The following NRG1 variants were observed in gnomAD, a reference collection of about 807,000 sequenced individuals.
NRG1 encodes pro-neuregulin-1, membrane-bound isoform.
A neutral mutation model predicts 63.8 loss-of-function variants in NRG1; 18 were observed. The observed-to-expected ratio is 0.28, with a 90% CI of 0.19 to 0.42. NRG1 has a LOEUF of 0.42. Ranked by LOEUF, NRG1 falls within the 10% of genes least tolerant of loss-of-function variation. The pLI is 1.00. For missense variants in NRG1, 762 were observed against 814.7 expected, an observed-to-expected ratio of 0.94 and a Z score of 0.79; for synonymous variants, 302 against 301.3, an observed-to-expected ratio of 1.00 and a Z score of -0.02.
At chr8:31,675,652 A>G (rs1807616124) in intron 1 of NRG1, among the ~76,000 whole-genome samples, 1 of 152,210 alleles carries the variant, frequency 6.6e-6, no homozygotes, top group Non-Finnish European at 1.5e-5. Flanking sequence ...ATCATTGTAC[A>G]TGAGAAACTT....
intron 1 of NRG1, among the ~76,000 whole-genome samples, chr8:32,484,229 A>G (rs1211421226): frequency 6.6e-6 from 1 of 152,212 alleles, no homozygotes; most frequent in Non-Finnish European, 1.5e-5. Context: ...TAAGAGGGAA[A>G]GGAATGAAGA....
chr8:31,725,383 G>T (rs1389595425), intron 1 of NRG1, among the ~76,000 whole-genome samples: 1 of 152,166 alleles, frequency 6.6e-6, no homozygotes, highest in Non-Finnish European at 1.5e-5. Flanking sequence ...GTTGTTTGTT[G>T]CTGGGAGTTG....
At chr8:32,286,232 A>G (rs1427199648) in intron 1 of NRG1, among the ~76,000 whole-genome samples, 1 of 152,246 alleles carries the variant, frequency 6.6e-6, no homozygotes, top group African/African-American at 2.4e-5. Flanking sequence ...GTGGTTTGAA[A>G]TAATGAGTAT....
intron 1 of NRG1, among the ~76,000 whole-genome samples, chr8:32,370,114 T>C: frequency 6.6e-6 from 1 of 152,204 alleles, no homozygotes; most frequent in East Asian, 1.9e-4. Context: ...AAAAGCCAGC[T>C]TTCTCTGGGG....
At chr8:32,634,638 A>AT (rs1320225081) in intron 5 of NRG1, among the ~76,000 whole-genome samples, 5 of 152,194 alleles carry the variant, frequency 3.3e-5, no homozygotes, top group African/African-American at 1.2e-4. Context: ...GTGAACATGT[A>AT]TATTCTCATC....
intron 1 of NRG1, among the ~76,000 whole-genome samples, chr8:31,742,743 A>G (rs1444714009): frequency 1.3e-5 from 2 of 151,948 alleles, no homozygotes; most frequent in African/African-American, 2.4e-5. Flanking sequence ...GGTACCTTGT[A>G]TCTTTAAATC....
chr8:32,299,166 A>G (rs1272113121), intron 1 of NRG1, among the ~76,000 whole-genome samples: 1 of 152,150 alleles, frequency 6.6e-6, no homozygotes, highest in Non-Finnish European at 1.5e-5. Context: ...CTCTTCATAC[A>G]AACTAGTCTT....
intron 1 of NRG1, among the ~76,000 whole-genome samples, chr8:31,703,425 C>T (rs1410504427): frequency 6.6e-6 from 1 of 151,850 alleles, no homozygotes; most frequent in Non-Finnish European, 1.5e-5. Flanking sequence ...AATTAAAGCT[C>T]ACTTAAAACT....
intron 1 of NRG1, among the ~76,000 whole-genome samples, chr8:31,786,326 T>C (rs1192225311): frequency 6.6e-6 from 1 of 152,218 alleles, no homozygotes; most frequent in Non-Finnish European, 1.5e-5. Context: ...GTCTTTTCTA[T>C]TCTCTCATTT....
chr8:32,028,170 C>G (rs1817748945), intron 1 of NRG1, among the ~76,000 whole-genome samples: 1 of 152,080 alleles, frequency 6.6e-6, no homozygotes, highest in Non-Finnish European at 1.5e-5. Flanking sequence ...GAACATGGCT[C>G]TCATGGTTAG....
chr8:32,459,148 A>G (rs1235935459), intron 1 of NRG1, among the ~76,000 whole-genome samples: 1 of 152,210 alleles, frequency 6.6e-6, no homozygotes, highest in Non-Finnish European at 1.5e-5. Flanking sequence ...CATCGTCAGA[A>G]CAAAACTTCA....
chr8:31,809,971 T>C (rs1822724942), intron 1 of NRG1, among the ~76,000 whole-genome samples: 1 of 151,950 alleles, frequency 6.6e-6, no homozygotes. Flanking sequence ...GGGAGACCCC[T>C]AGCTGAACTT....
intron 1 of NRG1, among the ~76,000 whole-genome samples, chr8:32,394,310 C>A (rs1812162620): frequency 6.6e-6 from 1 of 152,160 alleles, no homozygotes; most frequent in Non-Finnish European, 1.5e-5. Flanking sequence ...TTTAGATATT[C>A]TTAAATTTGT....
intron 1 of NRG1, among the ~76,000 whole-genome samples, chr8:31,897,070 G>A (rs985842911): frequency 5.9e-5 from 9 of 152,096 alleles, no homozygotes; most frequent in African/African-American, 1.2e-4. Context: ...TATTGTCTTC[G>A]TTCCCATTCA....
At chr8:32,462,326 A>G (rs10954845) in intron 1 of NRG1, among the ~76,000 whole-genome samples, 33,185 of 152,090 alleles carry the variant, frequency 0.22, 4,738 homozygotes, top group East Asian at 0.72. Context: ...CTTAGCTGCT[A>G]TTAGATAAAA....
At chr8:31,965,961 C>T (rs957441535) in intron 1 of NRG1, among the ~76,000 whole-genome samples, 1 of 151,958 alleles carries the variant, frequency 6.6e-6, no homozygotes, top group East Asian at 1.9e-4. Context: ...CTGGAGACAA[C>T]AAAAATGGGG....
At chr8:31,733,822 A>C (rs1039747568) in intron 1 of NRG1, among the ~76,000 whole-genome samples, 9 of 152,162 alleles carry the variant, frequency 5.9e-5, no homozygotes, top group African/African-American at 2.2e-4. Flanking sequence ...CTCTGCTGTC[A>C]GCTTTCCAAA....
chr8:32,452,808 A>G (rs924838454), intron 1 of NRG1, among the ~76,000 whole-genome samples: 2 of 152,218 alleles, frequency 1.3e-5, no homozygotes, highest in South Asian at 2.1e-4. Flanking sequence ...AATAAGAAAT[A>G]CTAAAGTGTT....
chr8:32,716,802 A>ATGTG (rs934111765), intron 5 of NRG1, among the ~76,000 whole-genome samples: 1 of 124,534 alleles, frequency 8.0e-6, no homozygotes, highest in Non-Finnish European at 1.7e-5. Context: ...GCGTGTGTGC[A>ATGTG]TGTGTGTGTG....
Sources: allele counts gnomAD v4.1 joint callset (sites outside exome capture counted in the v4.1 genomes callset), GRCh38; gene constraint gnomAD v4.1.1; transcripts MANE v1.5; gene names NCBI Gene and HGNC (gene_info 2026-07-23, HGNC 2026-07-21).